Variants in FGF1 observed in about 807,000 individuals in gnomAD.
The protein encoded by FGF1 is fibroblast growth factor 1, also known as beta-endothelial cell growth factor.
Under a neutral mutation model 13.4 loss-of-function variants are expected in FGF1, and 9 were observed. That is an observed-to-expected ratio of 0.67 (90% CI 0.40 to 1.17). The LOEUF is 1.17. FGF1 is among the 50% of genes most tolerant of loss of function. The probability of loss-of-function intolerance (pLI) is 0.01; values close to 1 mark genes in which losing one functional copy is unlikely to be tolerated. For synonymous variants in FGF1, 93 were observed against 79.0 expected (o/e 1.18, Z -0.94); for missense variants, 156 against 192.7 (o/e 0.81, Z 1.13).
intron 1 of FGF1, among the ~76,000 whole-genome samples, chr5:142,639,709 A>G (rs1246675114): frequency 6.6e-6 from 1 of 151,982 alleles, no homozygotes; most frequent in Non-Finnish European, 1.5e-5. Context: ...AAGAGGGTAG[A>G]TCTGACATGT....
chr5:142,657,476 A>T (rs915610399), intron 1 of FGF1, among the ~76,000 whole-genome samples: 1 of 151,746 alleles, frequency 6.6e-6, no homozygotes, highest in African/African-American at 2.4e-5. Context: ...CCCCTCCACC[A>T]AAACAACCTT....
At chr5:142,652,401 A>G (rs923852008) in intron 1 of FGF1, among the ~76,000 whole-genome samples, 1 of 152,168 alleles carries the variant, frequency 6.6e-6, no homozygotes, top group Non-Finnish European at 1.5e-5. Flanking sequence ...TGAGTTTTAG[A>G]ACTGGACCTA....
chr5:142,633,749 G>C (rs555118643), intron 1 of FGF1, among the ~76,000 whole-genome samples: 175 of 152,256 alleles, frequency 1.1e-3, no homozygotes, highest in African/African-American at 4.1e-3. Flanking sequence ...TTACTGCTTT[G>C]CTATACCACC....
chr5:142,694,109 ATC>A (rs1752707141), intron 2 of FGF1, among the ~76,000 whole-genome samples: 1 of 150,254 alleles, frequency 6.7e-6, no homozygotes, highest in African/African-American at 2.5e-5. Flanking sequence ...CTATCTATCT[ATC>A]TATCTATCTA....
intron 1 of FGF1, among the ~76,000 whole-genome samples, chr5:142,675,080 T>C (rs1003736678): frequency 6.6e-6 from 1 of 152,098 alleles, no homozygotes; most frequent in Non-Finnish European, 1.5e-5. Context: ...AATGGGTCGT[T>C]AGAAACAACC....
intron 3 of FGF1, among the ~76,000 whole-genome samples, chr5:142,598,771 C>A (rs1376329993): frequency 1.3e-5 from 2 of 152,156 alleles, no homozygotes; most frequent in Non-Finnish European, 2.9e-5. Context: ...ATACTAAGAT[C>A]ATATTTCAGG....
At chr5:142,623,903 C>T (rs1762049639) in intron 1 of FGF1, among the ~76,000 whole-genome samples, 1 of 152,048 alleles carries the variant, frequency 6.6e-6, no homozygotes, top group Non-Finnish European at 1.5e-5. Context: ...CATAGGCCAC[C>T]ATGCCTGGTT....
At chr5:142,670,709 CA>C (rs1301297399) in intron 1 of FGF1, among the ~76,000 whole-genome samples, 34 of 152,180 alleles carry the variant, frequency 2.2e-4, no homozygotes, top group African/African-American at 8.0e-4. Flanking sequence ...CTACCACTTC[CA>C]ATCATTTATT....
intron 1 of FGF1, among the ~76,000 whole-genome samples, chr5:142,641,201 T>C (rs2151950456): frequency 6.6e-6 from 1 of 152,104 alleles, no homozygotes; most frequent in East Asian, 1.9e-4. Flanking sequence ...GATCGGGCAA[T>C]GAGGACTAAC....
Position 142,600,687 on chromosome 5 carries a change from C to T in FGF1, c.273+15G>A. 1 of 1,572,496 alleles carries T rather than the reference C, an allele frequency of 6.4e-7. No individual in the cohort carries two copies. The highest frequency in any genetic ancestry group is 8.8e-7 in the Non-Finnish European group (1 of 1,142,002). ...ACCTTGGCCACGTCTGGAAGCATGT[C>T]AGCTTCATACTTACTGAGCCGTATA... On this transcript the variant is annotated intron_variant, in intron 3 of 3. Transcript: ENST00000337706.
chr5:142,694,609 A>G (rs1208959758), intron 2 of FGF1, among the ~76,000 whole-genome samples: 1 of 152,118 alleles, frequency 6.6e-6, no homozygotes, highest in Non-Finnish European at 1.5e-5. Flanking sequence ...AATCCTGCCA[A>G]ACACCCTGAG....
Position 142,600,764 on chromosome 5 carries a change from T to G in FGF1, c.211A>C (p.Ile71Leu). 5 of 1,613,978 alleles carry G rather than the reference T, an allele frequency of 3.1e-6. No individual in the cohort carries two copies. The highest frequency in any genetic ancestry group is 3.4e-6 in the Non-Finnish European group (4 of 1,179,894). ...TACTGGCCAGTCTCGGTACTCTTTA[T>G]ATACACCTCCCCCACGCTTTCCGCA... ...LSAESVGEVY[I>L]KSTETGQYLA... The change falls in exon 3 of 4, where the codon ATA becomes CTA. Residue 71 changes from isoleucine (I) to leucine (L), a missense_variant. Ile to Leu is a conservative substitution (Grantham distance 5). Coordinates refer to ENST00000337706, the MANE Select transcript of FGF1 (RefSeq NM_000800.5).
At chr5:142,642,778 T>C (rs1765404647) in intron 1 of FGF1, among the ~76,000 whole-genome samples, 1 of 152,188 alleles carries the variant, frequency 6.6e-6, no homozygotes, top group East Asian at 1.9e-4. Context: ...TATGTTTGGC[T>C]GGGAGATGGG....
chr5:142,651,555 G>A (rs2151975990), intron 1 of FGF1, among the ~76,000 whole-genome samples: 1 of 152,258 alleles, frequency 6.6e-6, no homozygotes. Context: ...CCTTCTATGG[G>A]TTTTGACAAG....
At chr5:142,628,751 G>A (rs189921776) in intron 1 of FGF1, among the ~76,000 whole-genome samples, 1 of 152,282 alleles carries the variant, frequency 6.6e-6, no homozygotes, top group African/African-American at 2.4e-5. Context: ...GAATCACTAT[G>A]TTGGGCGGGG....
At chr5:142,694,044 T>G (rs1215821450) in intron 2 of FGF1, among the ~76,000 whole-genome samples, 1 of 152,044 alleles carries the variant, frequency 6.6e-6, no homozygotes, top group African/African-American at 2.4e-5. Context: ...TTTTTTCTCT[T>G]AAAGATTTAC....
At chr5:142,644,833 TGCCAAATGAATGAACAA>T (rs1418133395) in intron 1 of FGF1, among the ~76,000 whole-genome samples, 8 of 152,100 alleles carry the variant, frequency 5.3e-5, no homozygotes, top group Non-Finnish European at 8.8e-5. Context: ...CCTCAGCAAA[TGCCAAATGAATGAACAA>T]GCAACAAAAC....
intron 1 of FGF1, among the ~76,000 whole-genome samples, chr5:142,647,736 G>A (rs1354392405): frequency 2.0e-5 from 3 of 152,148 alleles, no homozygotes; most frequent in Non-Finnish European, 2.9e-5. Context: ...TGTCACATGA[G>A]GTCAGGTGTA....
At chr5:142,667,079 A>G (rs1293201435) in intron 1 of FGF1, among the ~76,000 whole-genome samples, 2 of 151,924 alleles carry the variant, frequency 1.3e-5, no homozygotes, top group East Asian at 3.9e-4. Flanking sequence ...CAGGAGTTCG[A>G]GATCAGCCTG....
Sources: gnomAD v4.1 joint callset for allele counts (sites outside exome capture counted in the v4.1 genomes callset) on GRCh38, gnomAD v4.1.1 for gene constraint, MANE v1.5 for transcripts, NCBI Gene and HGNC (gene_info 2026-07-23, HGNC 2026-07-21) for gene names.